The following KCNQ5 variants were observed in gnomAD, a reference collection of about 807,000 sequenced individuals.
KCNQ5 encodes the protein potassium voltage-gated channel subfamily Q member 5.
Under a neutral mutation model 98.2 loss-of-function variants are expected in KCNQ5, and 30 were observed. The ratio of observed to expected loss-of-function variants is 0.31; its 90% CI spans 0.23 to 0.41. The LOEUF (loss-of-function observed/expected upper bound fraction) is 0.41. Among genes scored for constraint, KCNQ5 ranks in the 10% least tolerant of loss-of-function variants. The pLI is 1.00. For missense variants in KCNQ5, 835 were observed against 1,182.5 expected (o/e 0.71, Z 4.31); for synonymous variants, 458 against 449.4 (o/e 1.02, Z -0.24).
intron 1 of KCNQ5, among the ~76,000 whole-genome samples, chr6:72,838,742 A>G (rs1368935583): frequency 6.6e-6 from 1 of 151,708 alleles, no homozygotes; most frequent in African/African-American, 2.4e-5. Context: ...CGAGGTCAGG[A>G]GATCGAGACC....
At chr6:73,105,007 C>A (rs1774944391) in intron 5 of KCNQ5, among the ~76,000 whole-genome samples, 1 of 152,202 alleles carries the variant, frequency 6.6e-6, no homozygotes, top group Non-Finnish European at 1.5e-5. Context: ...CTTAAATAAT[C>A]TTTCCTTAAA....
chr6:73,016,233 C>T (rs527264006), intron 2 of KCNQ5, among the ~76,000 whole-genome samples: 2 of 151,990 alleles, frequency 1.3e-5, no homozygotes, highest in Non-Finnish European at 2.9e-5. Flanking sequence ...GGCGATGAGG[C>T]ATGCAAAGAT....
At chr6:73,086,737 A>G (rs1774003357) in intron 5 of KCNQ5, among the ~76,000 whole-genome samples, 1 of 152,248 alleles carries the variant, frequency 6.6e-6, no homozygotes, top group African/African-American at 2.4e-5. Flanking sequence ...CCAAAGAAAA[A>G]TACAACAGAC....
At chr6:72,910,049 A>G (rs2150204026) in intron 1 of KCNQ5, among the ~76,000 whole-genome samples, 1 of 152,324 alleles carries the variant, frequency 6.6e-6, no homozygotes, top group East Asian at 1.9e-4. Flanking sequence ...ATCAAAATAT[A>G]TGCATCCCTT....
intron 6 of KCNQ5, among the ~76,000 whole-genome samples, chr6:73,108,857 G>A (rs74981721): frequency 0.017 from 2,603 of 152,160 alleles, 74 homozygotes; most frequent in African/African-American, 0.059. Context: ...AAAATAGGAT[G>A]TCTTTCAGCA....
intron 1 of KCNQ5, among the ~76,000 whole-genome samples, chr6:72,793,094 C>T (rs1173819795): frequency 2.0e-5 from 3 of 152,104 alleles, no homozygotes; most frequent in Non-Finnish European, 4.4e-5. Context: ...GTCTACAGTG[C>T]GTAGGGCATT....
chr6:72,806,862 C>T lies in KCNQ5; in HGVS notation c.398+184275C>T, dbSNP rs181018796. On this transcript the variant is annotated intron_variant, in intron 1 of 13. Coordinates refer to ENST00000370398, the MANE Select transcript of KCNQ5 (RefSeq NM_019842.4). ...AATTTTATTTATTAATTTTCAGTTT[C>T]GTTTTTCTCCCATATGAGAATAAGA... 3.9e-3 allele frequency: 1,728 copies of T among 446,848 alleles called. 62 individuals are homozygous for T. The Admixed American group carries it at 0.04, about 10-fold the overall frequency. The allele number at this position is 446,848 out of a possible 1,614,324, so 27.7% of individuals were successfully genotyped here.
chr6:72,736,203 G>A (rs1481449146), intron 1 of KCNQ5, among the ~76,000 whole-genome samples: 2 of 151,788 alleles, frequency 1.3e-5, no homozygotes, highest in African/African-American at 4.8e-5. Context: ...TCATCCCTTT[G>A]ACCCTTGAAT....
rs992021631 is a variant in KCNQ5, at chr6:73,196,315, A to G, written c.*901A>G. The G allele has an allele frequency of 6.6e-6, 1 of 152,224 alleles. No individual in the cohort carries two copies. The highest frequency in any genetic ancestry group is 1.5e-5 in the Non-Finnish European group (1 of 68,046). 9.4% of individuals were successfully genotyped at this position (152,224 alleles called of 1,614,324 possible). A position where few individuals can be genotyped will look rare whatever the true frequency, so the allele number is the denominator to read the frequency against. ...GTGAGAAGCTATTCTCATTTCGCTG[A>G]CATACAGGTAGGACTATGGGGGATG... On this transcript the variant is annotated 3_prime_UTR_variant, in exon 14 of 14. Coordinates refer to ENST00000370398, the MANE Select transcript of KCNQ5 (RefSeq NM_019842.4).
intron 5 of KCNQ5, among the ~76,000 whole-genome samples, chr6:73,101,840 T>C (rs1263324453): frequency 2.0e-5 from 3 of 152,150 alleles, no homozygotes; most frequent in African/African-American, 4.8e-5. Flanking sequence ...AATCTACAAA[T>C]TCAGAGCAAT....
At chr6:72,994,632 C>T (rs920138432) in intron 1 of KCNQ5, among the ~76,000 whole-genome samples, 16 of 151,750 alleles carry the variant, frequency 1.1e-4, no homozygotes, top group African/African-American at 2.9e-4. Context: ...GCGTCGCTCA[C>T]GCTGGGAGCT....
At chr6:73,047,147 T>A (rs1187748636) in intron 3 of KCNQ5, among the ~76,000 whole-genome samples, 1 of 152,230 alleles carries the variant, frequency 6.6e-6, no homozygotes, top group East Asian at 1.9e-4. Context: ...AATTGAACCT[T>A]ATCTATTGTC....
chr6:72,770,240 G>T (rs1265790975), intron 1 of KCNQ5, among the ~76,000 whole-genome samples: 1 of 152,112 alleles, frequency 6.6e-6, no homozygotes, highest in East Asian at 1.9e-4. Context: ...AGAGCAATGG[G>T]AAGAGAGGAA....
At chr6:72,790,556 A>C (rs1323984981) in intron 1 of KCNQ5, among the ~76,000 whole-genome samples, 1 of 152,212 alleles carries the variant, frequency 6.6e-6, no homozygotes, top group Non-Finnish European at 1.5e-5. Context: ...GTTAATGGGT[A>C]CAAAAAAATC....
intron 1 of KCNQ5, among the ~76,000 whole-genome samples, chr6:72,713,520 C>T (rs779194253): frequency 1.3e-5 from 2 of 152,094 alleles, no homozygotes; most frequent in Non-Finnish European, 2.9e-5. Flanking sequence ...TTGCGTTTTC[C>T]CAGCAGTTGC....
chr6:72,698,648 C>CTTCTTTT (rs1554689823), intron 1 of KCNQ5, among the ~76,000 whole-genome samples: 198 of 94,028 alleles, frequency 2.1e-3, no homozygotes, highest in East Asian at 0.01. Flanking sequence ...TCTTCTTCTT[C>CTTCTTTT]TTTTTTTTTT....
At chr6:72,690,450 T>A (rs1768157729) in intron 1 of KCNQ5, among the ~76,000 whole-genome samples, 1 of 152,186 alleles carries the variant, frequency 6.6e-6, no homozygotes, top group East Asian at 1.9e-4. Flanking sequence ...GAATTGTGTG[T>A]TTCATGAAAG....
chr6:72,706,040 A>G (rs1431194523), intron 1 of KCNQ5, among the ~76,000 whole-genome samples: 3 of 152,086 alleles, frequency 2.0e-5, no homozygotes, highest in Non-Finnish European at 4.4e-5. Context: ...TTTGCTGCAG[A>G]GCTGATTATT....
At chr6:72,912,133 C>T (rs760151800) in intron 1 of KCNQ5, among the ~76,000 whole-genome samples, 10 of 152,080 alleles carry the variant, frequency 6.6e-5, no homozygotes, top group Non-Finnish European at 1.2e-4. Context: ...TTAATCAATG[C>T]CATTGTCATC....
Sources: gnomAD v4.1 joint callset for allele counts (sites outside exome capture counted in the v4.1 genomes callset) on GRCh38, gnomAD v4.1.1 for gene constraint, MANE v1.5 for transcripts, NCBI Gene and HGNC (gene_info 2026-07-23, HGNC 2026-07-21) for gene names.